INTS4: variants seen among roughly 807,000 people sequenced by gnomAD.
INTS4 encodes integrator complex subunit 4, also known as MSTP093.
In INTS4, 70 loss-of-function variants were observed where a neutral mutation model predicts 119.5. That is an observed-to-expected ratio of 0.59 (90% confidence interval 0.48 to 0.71). The LOEUF is 0.71. Ranked by LOEUF, INTS4 falls within the 30% of genes least tolerant of loss-of-function variation. The pLI, the probability that INTS4 is intolerant of heterozygous loss-of-function variation, is 0.00. For missense variants in INTS4, 867 were observed against 1,173.2 expected, an observed-to-expected ratio of 0.74 and a Z score of 3.81; for synonymous variants, 316 against 419.6, an observed-to-expected ratio of 0.75 and a Z score of 3.02.
intron 15 of INTS4, among the ~76,000 whole-genome samples, chr11:77,909,935 A>G (rs1010351183): frequency 2.4e-4 from 36 of 152,232 alleles, no homozygotes; most frequent in Non-Finnish European, 4.6e-4. Context: ...TTAAAAAGTC[A>G]GGAATCAACA....
rs891248799 is a variant in INTS4, at chr11:77,960,189, A to C, written c.708+152T>G. On this transcript the variant is annotated intron_variant, in intron 6 of 22. Transcript: ENST00000534064. ...AACCTCCATTCTCTTCCTGAAAAGT[A>C]TGTTTTGAATATGACTTCACATCCA... The C allele has an allele frequency of 2.9e-5, 16 of 546,476 alleles. 1 individual carries two copies. Among genetic ancestry groups the C allele is most frequent in the Non-Finnish European group, 5.1e-5 (15 of 295,534 alleles). 33.9% of individuals were successfully genotyped at this position (546,476 alleles called of 1,614,324 possible). A position where few individuals can be genotyped will look rare whatever the true frequency, so the allele number is the denominator to read the frequency against.
intron 8 of INTS4, among the ~76,000 whole-genome samples, chr11:77,948,906 C>A (rs1415874628): frequency 1.3e-5 from 2 of 151,880 alleles, no homozygotes; most frequent in African/African-American, 4.8e-5. Flanking sequence ...CCAAAACCTA[C>A]GGTATGCAAC....
chr11:77,962,266 G>A lies in INTS4; in HGVS notation c.472-1128C>T, dbSNP rs572584277. ...CCACTGCACTCCAACCTGGATGACA[G>A]AGTGAGATACTGCCTCCAAAAAAGA... On this transcript the variant is annotated intron_variant, in intron 4 of 22. Transcript: ENST00000534064. Among the ~76,000 whole-genome samples, 81 of 145,346 alleles carry A rather than the reference G, an allele frequency of 5.6e-4. 1 individual carries two copies. The highest frequency in any genetic ancestry group is 4.8e-3 in the Admixed American group (73 of 15,092).
chr11:77,929,074 G>A (rs12273552), intron 10 of INTS4, among the ~76,000 whole-genome samples: 28,917 of 151,562 alleles, frequency 0.19, 2,807 homozygotes, highest in Middle Eastern at 0.23. Context: ...TCAGCCAGGT[G>A]CAGTGCCATA....
At chr11:77,933,203 C>T (rs184217575) in intron 10 of INTS4, among the ~76,000 whole-genome samples, 2 of 151,502 alleles carry the variant, frequency 1.3e-5, no homozygotes, top group African/African-American at 2.4e-5. Flanking sequence ...CCTCTCCGTC[C>T]CCCTCTCCAT....
At chr11:77,935,538 C>T (rs933184361) in intron 10 of INTS4, among the ~76,000 whole-genome samples, 2 of 152,100 alleles carry the variant, frequency 1.3e-5, no homozygotes, top group African/African-American at 4.8e-5. Context: ...AAGAACCACT[C>T]AAAACAATGA....
At chr11:77,908,329 T>C (rs1252243436) in intron 15 of INTS4, among the ~76,000 whole-genome samples, 1 of 151,210 alleles carries the variant, frequency 6.6e-6, no homozygotes, top group East Asian at 1.9e-4. Context: ...GCTGCATCCA[T>C]CTTTTTTTTT....
downstream of INTS4, among the ~76,000 whole-genome samples, chr11:77,878,206 C>T (rs1461820236): frequency 6.6e-6 from 1 of 151,854 alleles, no homozygotes; most frequent in African/African-American, 2.4e-5. Context: ...ACTAAAAATA[C>T]AAAAAATTAG....
intron 8 of INTS4, among the ~76,000 whole-genome samples, chr11:77,946,462 G>A (rs1954049504): frequency 6.6e-6 from 1 of 152,106 alleles, no homozygotes. Context: ...ACCCTCAAAG[G>A]AATACAGTAA....
At chr11:77,984,848 C>T (rs72941353) in intron 2 of INTS4, among the ~76,000 whole-genome samples, 28,200 of 147,248 alleles carry the variant, frequency 0.19, 2,746 homozygotes, top group Middle Eastern at 0.24. Context: ...TGCACTCCAG[C>T]CTGGAGTGAG....
chr11:77,937,486 G>A (rs547938024), intron 10 of INTS4, among the ~76,000 whole-genome samples: 18 of 152,246 alleles, frequency 1.2e-4, no homozygotes, highest in East Asian at 9.6e-4. Context: ...GCTCACGCCC[G>A]CAATCTCAAC....
At chr11:77,937,037 T>G (rs188920174) in intron 10 of INTS4, among the ~76,000 whole-genome samples, 1 of 151,130 alleles carries the variant, frequency 6.6e-6, no homozygotes, top group Non-Finnish European at 1.5e-5. Flanking sequence ...TAGCCGAGAG[T>G]GGTCGCGGGC....
At chr11:77,948,654 C>CAAAAAAAAAA (rs138277574) in intron 8 of INTS4, among the ~76,000 whole-genome samples, 2 of 91,346 alleles carry the variant, frequency 2.2e-5, no homozygotes. Context: ...CTCAAAGAAA[C>CAAAAAAAAAA]AAAAAAAAAA....
At chr11:77,883,075 AAAT>A (rs10687244) in intron 22 of INTS4, among the ~76,000 whole-genome samples, 8 of 148,262 alleles carry the variant, frequency 5.4e-5, no homozygotes, top group Admixed American at 1.4e-4. Flanking sequence ...CTCCGTCTCA[AAAT>A]AATAATAATA....
chr11:77,892,774 A>G (rs1011995329), intron 19 of INTS4, among the ~76,000 whole-genome samples: 1 of 152,102 alleles, frequency 6.6e-6, no homozygotes, highest in Non-Finnish European at 1.5e-5. Context: ...TAGTAGAGAC[A>G]GGGTGTCACT....
At chr11:77,945,980 T>G (rs1158415335) in intron 8 of INTS4, among the ~76,000 whole-genome samples, 1 of 152,152 alleles carries the variant, frequency 6.6e-6, no homozygotes, top group African/African-American at 2.4e-5. Flanking sequence ...CCCATTTCCC[T>G]ACATAGCCAC....
At chr11:77,899,473 ACCAG>A (rs1163977037) in intron 18 of INTS4, among the ~76,000 whole-genome samples, 2 of 152,166 alleles carry the variant, frequency 1.3e-5, no homozygotes, top group East Asian at 3.9e-4. Context: ...GGAGTTCGAG[ACCAG>A]CCTGGCTAAC....
intron 10 of INTS4, among the ~76,000 whole-genome samples, chr11:77,937,993 G>A (rs938716516): frequency 8.5e-5 from 13 of 152,084 alleles, no homozygotes; most frequent in East Asian, 1.9e-4. Context: ...GATTACAGGT[G>A]TATGCCACCA....
At chr11:77,982,990 T>C (rs1261331604) in intron 2 of INTS4, among the ~76,000 whole-genome samples, 5 of 152,208 alleles carry the variant, frequency 3.3e-5, no homozygotes, top group African/African-American at 1.2e-4. Flanking sequence ...GAAAAGTCAC[T>C]TTCTTGGGAA....
Sources: gnomAD v4.1 joint callset for allele counts (sites outside exome capture counted in the v4.1 genomes callset) on GRCh38, gnomAD v4.1.1 for gene constraint, MANE v1.5 for transcripts, NCBI Gene and HGNC (gene_info 2026-07-23, HGNC 2026-07-21) for gene names.